The following ADGRB3 variants were observed in gnomAD, a reference collection of about 807,000 sequenced individuals.
ADGRB3 encodes adhesion G protein-coupled receptor B3.
A neutral mutation model predicts 193.4 loss-of-function variants in ADGRB3; 37 were observed. The ratio of observed to expected loss-of-function variants is 0.19; its 90% CI spans 0.15 to 0.25. The LOEUF is 0.25. Ranked by LOEUF, ADGRB3 falls within the 10% of genes least tolerant of loss-of-function variation. The pLI is 1.00. For missense variants in ADGRB3, 1,637 were observed against 1,852.9 expected (o/e 0.88, Z 2.14); for synonymous variants, 690 against 644.2 (o/e 1.07, Z -1.08).
intron 17 of ADGRB3, among the ~76,000 whole-genome samples, chr6:69,119,566 A>C (rs1406976552): frequency 4.0e-5 from 6 of 148,156 alleles, no homozygotes. Context: ...TTCAGCAAAG[A>C]CTTTAAGGAA....
chr6:69,122,486 G>GAGGGGGAGGGGGAGGGGA (rs1773738103), intron 17 of ADGRB3, among the ~76,000 whole-genome samples: 1 of 43,118 alleles, frequency 2.3e-5, no homozygotes, highest in African/African-American at 7.8e-5. Context: ...GGGGGAGGGG[G>GAGGGGGAGGGGGAGGGGA]GAGGGGGAGG....
chr6:68,901,823 C>T (rs187248728), intron 3 of ADGRB3, among the ~76,000 whole-genome samples: 19 of 151,848 alleles, frequency 1.3e-4, no homozygotes, highest in East Asian at 7.8e-4. Flanking sequence ...GTAGGGAAGA[C>T]GCAAAAAGTA....
chr6:69,150,468 G>A (rs1210612788), intron 17 of ADGRB3, among the ~76,000 whole-genome samples: 1 of 152,112 alleles, frequency 6.6e-6, no homozygotes, highest in Non-Finnish European at 1.5e-5. Context: ...TCAGCTTGTG[G>A]TGTATGCTTC....
chr6:69,045,540 T>G (rs535632915), intron 13 of ADGRB3, among the ~76,000 whole-genome samples: 2 of 152,258 alleles, frequency 1.3e-5, no homozygotes, highest in East Asian at 3.9e-4. Context: ...ATGAAAAGTA[T>G]GTGAGGTAGT....
At chr6:69,006,139 C>T (rs1035643585) in intron 11 of ADGRB3, among the ~76,000 whole-genome samples, 1 of 151,906 alleles carries the variant, frequency 6.6e-6, no homozygotes, top group Non-Finnish European at 1.5e-5. Flanking sequence ...AAGATGATTT[C>T]CATAATAATG....
chr6:68,768,852 A>G (rs972662165), intron 3 of ADGRB3, among the ~76,000 whole-genome samples: 1 of 152,112 alleles, frequency 6.6e-6, no homozygotes, highest in African/African-American at 2.4e-5. Context: ...CAAGAAAAAA[A>G]AAAACTCATC....
chr6:68,881,855 A>G (rs74665944), intron 3 of ADGRB3, among the ~76,000 whole-genome samples: 292 of 152,334 alleles, frequency 1.9e-3, no homozygotes, highest in Non-Finnish European at 2.9e-3. Context: ...TCTGTTCCAT[A>G]CAAGAGTCGA....
chr6:68,817,334 T>C (rs11755645), intron 3 of ADGRB3, among the ~76,000 whole-genome samples: 2 of 106,060 alleles, frequency 1.9e-5, no homozygotes, highest in Non-Finnish European at 3.5e-5. Context: ...TATATATATA[T>C]ATATATATAT....
At chr6:68,772,021 A>G (rs992126484) in intron 3 of ADGRB3, among the ~76,000 whole-genome samples, 1 of 152,100 alleles carries the variant, frequency 6.6e-6, no homozygotes, top group African/African-American at 2.4e-5. Context: ...GACTACTTTG[A>G]GGAGAAGTTG....
At chr6:68,687,563 T>TAA (rs754435797) in intron 3 of ADGRB3, among the ~76,000 whole-genome samples, 1 of 151,952 alleles carries the variant, frequency 6.6e-6, no homozygotes, top group Non-Finnish European at 1.5e-5. Context: ...TCTTTTCAAA[T>TAA]AAAAAAAATT....
At chr6:68,960,276 A>G (rs1768195501) in intron 8 of ADGRB3, among the ~76,000 whole-genome samples, 2 of 152,186 alleles carry the variant, frequency 1.3e-5, no homozygotes, top group Admixed American at 1.3e-4. Flanking sequence ...TGAGGCCTCC[A>G]GGTTAAATGT....
In ADGRB3 at chr6:68,879,806, A is replaced by C. The variant is rs143412689; in HGVS notation, c.758-50753A>C. Among the ~76,000 whole-genome samples the C allele has an allele frequency of 3.0e-4, 46 of 152,286 alleles. 1 individual carries two copies. The East Asian group carries it at 7.7e-3, about 26-fold the overall frequency. On this transcript the variant is annotated intron_variant, in intron 3 of 31. Transcript: ENST00000370598. Reference sequence around the variant, plus strand: ...TCCAACCAAGGAGGGCAGAGTTACTATAAGCCTCATGCCTTGACAGACATT... The same window carrying C: ...TCCAACCAAGGAGGGCAGAGTTACTCTAAGCCTCATGCCTTGACAGACATT...
intron 17 of ADGRB3, among the ~76,000 whole-genome samples, chr6:69,198,134 C>A (rs953448490): frequency 5.3e-5 from 8 of 152,162 alleles, no homozygotes; most frequent in Admixed American, 3.9e-4. Flanking sequence ...TCATTACCAT[C>A]TGATATAATA....
chr6:69,236,200 GAATT>G (rs1211280978), intron 19 of ADGRB3, among the ~76,000 whole-genome samples: 3 of 151,908 alleles, frequency 2.0e-5, no homozygotes, highest in Non-Finnish European at 4.4e-5. Flanking sequence ...TTGAGAGCAA[GAATT>G]AATTGTCACA....
chr6:68,717,045 G>A (rs1167851320), intron 3 of ADGRB3, among the ~76,000 whole-genome samples: 1 of 151,582 alleles, frequency 6.6e-6, no homozygotes, highest in African/African-American at 2.4e-5. Flanking sequence ...ATATTCGGCA[G>A]TTTTCAAGTT....
In ADGRB3 at chr6:69,039,742, CT is replaced by C. The variant is rs34543678; in HGVS notation, c.2108-8426del. 4.2e-3 allele frequency among the ~76,000 whole-genome samples: 553 copies of C among 130,208 alleles called. 7 individuals carry two copies. Among genetic ancestry groups the C allele is most frequent in the African/African-American group, 0.011 (370 of 34,688 alleles). The allele number at this position is 130,208 out of a possible 152,430, so 85.4% of individuals were successfully genotyped here. A position where few individuals can be genotyped will look rare whatever the true frequency, so the allele number is the denominator to read the frequency against. On this transcript the variant is annotated intron_variant, in intron 13 of 31. Coordinates refer to ENST00000370598, the MANE Select transcript of ADGRB3 (RefSeq NM_001704.3). ...AGGAAGATTACATAATTGTTTTTTT[CT>C]TTTTTTTTTTTTTTTTGAGACGGAG...
At chr6:68,944,134 C>G in intron 6 of ADGRB3, 140 bp downstream of exon 6, 1 of 881,416 alleles carries the variant, frequency 1.1e-6, no homozygotes, top group East Asian at 2.6e-5. Context: ...TTGCCTAAAA[C>G]TGGGTACTTT....
intron 20 of ADGRB3, among the ~76,000 whole-genome samples, chr6:69,322,151 C>T (rs924301717): frequency 6.6e-5 from 10 of 151,786 alleles, no homozygotes; most frequent in African/African-American, 1.9e-4. Context: ...ATGGCCTCCA[C>T]CTCCATCCAT....
chr6:68,964,892 A>G (rs1768333960), intron 8 of ADGRB3, among the ~76,000 whole-genome samples: 1 of 152,154 alleles, frequency 6.6e-6, no homozygotes, highest in Non-Finnish European at 1.5e-5. Flanking sequence ...CTTGTTTACC[A>G]CCATAACAAT....
Sources: gnomAD v4.1 joint callset for allele counts (sites outside exome capture counted in the v4.1 genomes callset) on GRCh38, gnomAD v4.1.1 for gene constraint, MANE v1.5 for transcripts, NCBI Gene and HGNC (gene_info 2026-07-23, HGNC 2026-07-21) for gene names.